Variants in RGS7 observed in about 807,000 individuals in gnomAD.
The protein encoded by RGS7 is regulator of G-protein signaling 7.
Under a neutral mutation model 81.1 loss-of-function variants are expected in RGS7, and 27 were observed. The observed-to-expected ratio is 0.33, with a 90% CI of 0.25 to 0.46. RGS7 has a LOEUF of 0.46. Ranked by LOEUF, RGS7 falls within the 20% of genes least tolerant of loss-of-function variation. RGS7 has a pLI of 1.00. For synonymous variants in RGS7, 208 were observed against 207.7 expected, an observed-to-expected ratio of 1.00 and a Z score of -0.01; for missense variants, 396 against 607.4, an observed-to-expected ratio of 0.65 and a Z score of 3.66.
At chr1:241,208,351 GCA>G in intron 2 of RGS7, among the ~76,000 whole-genome samples, 1 of 152,244 alleles carries the variant, frequency 6.6e-6, no homozygotes, top group South Asian at 2.1e-4. Context: ...GCTTAGTAAT[GCA>G]CAGGGACAGG....
At chr1:241,314,979 TA>T (rs956922766) in intron 2 of RGS7, among the ~76,000 whole-genome samples, 6 of 152,010 alleles carry the variant, frequency 3.9e-5, no homozygotes, top group African/African-American at 1.5e-4. Context: ...AGATATATTT[TA>T]AAGTTAGAGC....
intron 2 of RGS7, among the ~76,000 whole-genome samples, chr1:241,216,303 A>G (rs2074553147): frequency 6.6e-6 from 1 of 152,118 alleles, no homozygotes; most frequent in Non-Finnish European, 1.5e-5. Context: ...ATAAAAATAA[A>G]AAAAGGAAGA....
chr1:241,217,870 C>A (rs1055554730), intron 2 of RGS7, among the ~76,000 whole-genome samples: 2 of 152,160 alleles, frequency 1.3e-5, no homozygotes, highest in Non-Finnish European at 2.9e-5. Flanking sequence ...TGCAGGAGAA[C>A]CTTTCAGGAG....
At chr1:240,998,168 T>C (rs1452028255) in intron 3 of RGS7, among the ~76,000 whole-genome samples, 3 of 152,222 alleles carry the variant, frequency 2.0e-5, no homozygotes, top group Non-Finnish European at 4.4e-5. Flanking sequence ...ATGAGAACGC[T>C]GCTGTGGTTT....
intron 3 of RGS7, among the ~76,000 whole-genome samples, chr1:240,997,864 C>A (rs1275725095): frequency 6.6e-6 from 1 of 152,176 alleles, no homozygotes; most frequent in African/African-American, 2.4e-5. Flanking sequence ...GAAGATAAGT[C>A]TATTGTATTT....
chr1:240,931,312 C>T (rs940133474), intron 5 of RGS7, among the ~76,000 whole-genome samples: 6 of 152,196 alleles, frequency 3.9e-5, no homozygotes, highest in African/African-American at 1.4e-4. Flanking sequence ...ACTTTTTACT[C>T]TCACTTTTAA....
chr1:241,072,647 G>A (rs1173551795), intron 3 of RGS7, among the ~76,000 whole-genome samples: 1 of 152,158 alleles, frequency 6.6e-6, no homozygotes, highest in Admixed American at 6.5e-5. Context: ...GGACAGGGAT[G>A]AGACCCTGAA....
intron 2 of RGS7, among the ~76,000 whole-genome samples, chr1:241,270,653 T>C (rs1205708201): frequency 6.6e-6 from 1 of 152,130 alleles, no homozygotes; most frequent in African/African-American, 2.4e-5. Context: ...CTAGTAAGTT[T>C]TCTTTTCTCT....
intron 2 of RGS7, among the ~76,000 whole-genome samples, chr1:241,125,779 A>G (rs575966284): frequency 1.3e-5 from 2 of 152,302 alleles, no homozygotes; most frequent in South Asian, 4.1e-4. Context: ...GATACTCCCT[A>G]TCTAATTTAT....
Position 240,828,856 on chromosome 1 carries a change from C to T in RGS7, c.610-1684G>A, listed in dbSNP as rs76238343. On this transcript the variant is annotated intron_variant, in intron 9 of 18. Transcript: ENST00000440928. The stretch of plus-strand genomic sequence containing the variant: ...TGCTCAATTTCTCTATTTCTTCCCA[C>T]AGACTGCAAGAAATTAAAGCATTAG... 2.1e-3 allele frequency among the ~76,000 whole-genome samples: 324 copies of T among 152,302 alleles called. 3 individuals carry two copies. Among genetic ancestry groups the T allele is most frequent in the African/African-American group, 7.6e-3 (314 of 41,562 alleles).
At chr1:240,853,688 G>A (rs1395213769) in intron 9 of RGS7, among the ~76,000 whole-genome samples, 3 of 151,922 alleles carry the variant, frequency 2.0e-5, no homozygotes, top group Non-Finnish European at 4.4e-5. Flanking sequence ...GGCTGATCAC[G>A]AGGGCAGGAG....
chr1:241,003,347 G>C (rs2058512080), intron 3 of RGS7, among the ~76,000 whole-genome samples: 2 of 151,778 alleles, frequency 1.3e-5, no homozygotes, highest in Non-Finnish European at 2.9e-5. Context: ...TGTAGTCCCA[G>C]CTACTCGGGA....
intron 3 of RGS7, among the ~76,000 whole-genome samples, chr1:241,056,672 T>C (rs1295662317): frequency 6.6e-6 from 1 of 152,184 alleles, no homozygotes; most frequent in Non-Finnish European, 1.5e-5. Context: ...AGAATTAGTA[T>C]TCAAAACTCC....
At chr1:240,795,527 C>T (rs1032579450) in intron 18 of RGS7, among the ~76,000 whole-genome samples, 1 of 152,144 alleles carries the variant, frequency 6.6e-6, no homozygotes, top group African/African-American at 2.4e-5. Flanking sequence ...TACCTCTTCC[C>T]TTGTAAATTT....
chr1:241,048,602 T>A (rs916891564), intron 3 of RGS7, among the ~76,000 whole-genome samples: 6 of 152,200 alleles, frequency 3.9e-5, no homozygotes, highest in Admixed American at 6.5e-5. Flanking sequence ...ATTTAATAGA[T>A]AAATCAGGGC....
intron 2 of RGS7, among the ~76,000 whole-genome samples, chr1:241,162,330 T>C (rs1280581572): frequency 1.3e-5 from 2 of 151,714 alleles, no homozygotes; most frequent in African/African-American, 4.8e-5. Context: ...AACGCTCTGC[T>C]GGTAAGGGAA....
At chr1:241,208,984 G>A (rs922214955) in intron 2 of RGS7, among the ~76,000 whole-genome samples, 3 of 152,218 alleles carry the variant, frequency 2.0e-5, no homozygotes, top group Non-Finnish European at 4.4e-5. Context: ...TCCAGTGGAG[G>A]CAAGGACTGC....
chr1:241,030,497 C>CGT (rs1247958689), intron 3 of RGS7, among the ~76,000 whole-genome samples: 1 of 127,238 alleles, frequency 7.9e-6, no homozygotes, highest in African/African-American at 3.2e-5. Flanking sequence ...TAGATGTACA[C>CGT]ACACACACAC....
intron 3 of RGS7, among the ~76,000 whole-genome samples, chr1:241,068,744 A>G (rs893406480): frequency 9.9e-5 from 15 of 152,130 alleles, no homozygotes; most frequent in African/African-American, 3.4e-4. Context: ...TAAAATATGG[A>G]TGCAGCTTAG....
Sources: gnomAD v4.1 joint callset for allele counts (sites outside exome capture counted in the v4.1 genomes callset) on GRCh38, gnomAD v4.1.1 for gene constraint, MANE v1.5 for transcripts, NCBI Gene and HGNC (gene_info 2026-07-23, HGNC 2026-07-21) for gene names.